The following LRRC18 variants were observed in gnomAD, a reference collection of about 807,000 sequenced individuals.
LRRC18 encodes leucine rich repeat containing 18.
LRRC18 carries 12 observed loss-of-function variants against 11.2 expected under a neutral mutation model. The observed-to-expected ratio is 1.07, with a 90% CI of 0.69 to 1.74. The LOEUF is 1.74. Among genes scored for constraint, LRRC18 ranks in the 40% most tolerant of loss-of-function variants. The pLI, the probability that LRRC18 is intolerant of heterozygous loss-of-function variation, is 0.00. For synonymous variants in LRRC18, 155 were observed against 130.6 expected (o/e 1.19, Z -1.27); for missense variants, 374 against 330.5 (o/e 1.13, Z -1.02).
At chr10:48,931,709 C>T in the LRRC18 span, among the ~76,000 whole-genome samples, 6 of 152,316 alleles carry the variant, frequency 3.9e-5, no homozygotes, top group African/African-American at 1.2e-4. Flanking sequence ...ATGTCTAATC[C>T]TAAATTTCTT....
chr10:48,912,367 G>T (rs965940359), intron 1 of LRRC18, among the ~76,000 whole-genome samples: 1 of 152,244 alleles, frequency 6.6e-6, no homozygotes, highest in East Asian at 1.9e-4. Flanking sequence ...CACTTCACGA[G>T]TGAGGGAACC....
At chr10:48,937,290 G>A in the LRRC18 span, among the ~76,000 whole-genome samples, 1 of 152,180 alleles carries the variant, frequency 6.6e-6, no homozygotes, top group African/African-American at 2.4e-5. Context: ...TTACCATCAT[G>A]CTGCCAAATA....
chr10:48,923,918 C>A, the LRRC18 span, among the ~76,000 whole-genome samples: 1 of 152,196 alleles, frequency 6.6e-6, no homozygotes, highest in Non-Finnish European at 1.5e-5. Context: ...GGACATCCAG[C>A]CAGTTGGGCC....
At chr10:48,924,852 C>T in the LRRC18 span, among the ~76,000 whole-genome samples, 6 of 152,356 alleles carry the variant, frequency 3.9e-5, no homozygotes, top group South Asian at 1.2e-3. Context: ...GCTTCACACT[C>T]ATGTATCTTT....
At chr10:48,910,951 G>A (rs958768199) in intron 1 of LRRC18, 24 of 979,340 alleles carry the variant, frequency 2.5e-5, no homozygotes, top group South Asian at 4.7e-5. Context: ...TACCTAAGGA[G>A]GGAAAATTAA....
At chr10:48,933,198 G>A in the LRRC18 span, among the ~76,000 whole-genome samples, 21 of 152,176 alleles carry the variant, frequency 1.4e-4, no homozygotes, top group African/African-American at 2.7e-4. Context: ...ACCAGGCAAC[G>A]AGAAAACCCA....
chr10:48,927,450 G>A, the LRRC18 span, among the ~76,000 whole-genome samples: 10 of 152,150 alleles, frequency 6.6e-5, no homozygotes, highest in Non-Finnish European at 1.5e-4. Flanking sequence ...TGTGGGATGC[G>A]TTCTTCCCAT....
At chr10:48,919,247 G>A in the LRRC18 span, among the ~76,000 whole-genome samples, 1 of 151,914 alleles carries the variant, frequency 6.6e-6, no homozygotes, top group East Asian at 1.9e-4. Context: ...AATCCCACAG[G>A]CATTAAAGGG....
chr10:48,930,724 T>C, the LRRC18 span, among the ~76,000 whole-genome samples: 1 of 151,912 alleles, frequency 6.6e-6, no homozygotes, highest in East Asian at 1.9e-4. Context: ...TATCTAACAA[T>C]AGATGAGTGA....
the LRRC18 span, among the ~76,000 whole-genome samples, chr10:48,921,067 C>T: frequency 6.6e-6 from 1 of 152,216 alleles, no homozygotes; most frequent in East Asian, 1.9e-4. Flanking sequence ...CAACTCTCCC[C>T]AAATTGGTCT....
the LRRC18 span, among the ~76,000 whole-genome samples, chr10:48,920,547 G>A: frequency 6.6e-6 from 1 of 151,894 alleles, no homozygotes; most frequent in East Asian, 1.9e-4. Flanking sequence ...GAAAAAAAAA[G>A]CTAGAGCTAG....
chr10:48,910,305 G>A, intron 1 of LRRC18, 47 bp from the exon 4 acceptor site: 1 of 1,578,132 alleles, frequency 6.3e-7, no homozygotes, highest in Non-Finnish European at 8.7e-7. Flanking sequence ...CCAGGCCACA[G>A]AGGCAAACAC....
upstream of LRRC18, among the ~76,000 whole-genome samples, chr10:48,917,974 A>G (rs1838706449): frequency 6.6e-6 from 1 of 152,228 alleles, no homozygotes; most frequent in African/African-American, 2.4e-5. Context: ...CAAGACCTAT[A>G]TGGTGGTAAG....
the LRRC18 span, among the ~76,000 whole-genome samples, chr10:48,928,735 C>T: frequency 8.6e-3 from 1,315 of 152,310 alleles, 21 homozygotes; most frequent in African/African-American, 0.03. Flanking sequence ...CCATCTGCCG[C>T]AGGACAGCTC....
the LRRC18 span, among the ~76,000 whole-genome samples, chr10:48,931,662 T>C: frequency 6.6e-6 from 1 of 152,208 alleles, no homozygotes; most frequent in Non-Finnish European, 1.5e-5. Flanking sequence ...GGCTCATTGC[T>C]TGCATGGAAG....
the LRRC18 span, among the ~76,000 whole-genome samples, chr10:48,928,416 G>A: frequency 6.7e-6 from 1 of 150,054 alleles, no homozygotes; most frequent in African/African-American, 2.4e-5. Context: ...GTTGGCACAG[G>A]AGGCAGCAGC....
chr10:48,934,650 T>G, the LRRC18 span, among the ~76,000 whole-genome samples: 1 of 152,198 alleles, frequency 6.6e-6, no homozygotes, highest in Non-Finnish European at 1.5e-5. Context: ...CCAGACTTCT[T>G]AAAACATGGA....
exon 1 of LRRC18, chr10:48,914,113 G>A (rs867883375): frequency 6.8e-6 from 11 of 1,614,166 alleles, no homozygotes; most frequent in Non-Finnish European, 8.5e-6. Flanking sequence ...GCCACCTTGA[G>A]GGTGATCTTC....
At chr10:48,913,268 A>G in intron 1 of LRRC18, 124 bp downstream of exon 3, 2 of 895,450 alleles carry the variant, frequency 2.2e-6, no homozygotes, top group Non-Finnish European at 3.4e-6. Context: ...AAGGAGTTTT[A>G]TGGGCTTGGC....
Sources: gnomAD v4.1 joint callset for allele counts (sites outside exome capture counted in the v4.1 genomes callset) on GRCh38, gnomAD v4.1.1 for gene constraint, MANE v1.5 for transcripts, NCBI Gene and HGNC (gene_info 2026-07-23, HGNC 2026-07-21) for gene names.